Variants in ZNF569 observed in about 807,000 individuals in gnomAD.
ZNF569 encodes the protein DNA-binding protein.
ZNF569 carries 38 observed loss-of-function variants against 56.3 expected under a neutral mutation model. The observed-to-expected ratio is 0.68, with a 90% CI of 0.52 to 0.88. The LOEUF is 0.88. Ranked by LOEUF, ZNF569 falls within the 40% of genes least tolerant of loss-of-function variation. The probability of loss-of-function intolerance (pLI) is 0.00; values close to 1 mark genes in which losing one functional copy is unlikely to be tolerated. For missense variants in ZNF569, 666 were observed against 809.2 expected, an observed-to-expected ratio of 0.82 and a Z score of 2.15; for synonymous variants, 241 against 262.9, an observed-to-expected ratio of 0.92 and a Z score of 0.81.
chr19:37,443,755 C>T (rs935057019), intron 3 of ZNF569, among the ~76,000 whole-genome samples: 2 of 151,680 alleles, frequency 1.3e-5, no homozygotes, highest in Non-Finnish European at 2.9e-5. Flanking sequence ...ACCTATAATC[C>T]CAGCACTGTG....
chr19:37,415,375 T>A (rs1170172593), intron 5 of ZNF569, among the ~76,000 whole-genome samples: 1 of 152,116 alleles, frequency 6.6e-6, no homozygotes, highest in Non-Finnish European at 1.5e-5. Flanking sequence ...CTATTTTTCA[T>A]TTAAAAATCC....
At position 37,426,379 on chromosome 19, in the gene ZNF569, C is replaced by A. The variant is rs767112999; in HGVS notation, c.16-1G>T. 1 of 1,600,086 alleles carries A rather than the reference C, an allele frequency of 6.2e-7. No individual in the cohort carries two copies. The highest frequency in any genetic ancestry group is 1.1e-5 in the South Asian group (1 of 88,194). ...CCACATCTTTGAATGTTACTGTTCC[C>A]TGTAACAACACACTCCCACTCAATC... On this transcript the variant is annotated splice_acceptor_variant, in intron 3 of 5. Coordinates refer to ENST00000316950, the MANE Select transcript of ZNF569 (RefSeq NM_152484.3). LOFTEE classifies it high-confidence loss of function.
Position 37,450,696 on chromosome 19 carries a change from G to C in ZNF569, c.-43-5732C>G, listed in dbSNP as rs1312600859. 4.0e-5 allele frequency among the ~76,000 whole-genome samples: 6 copies of C among 151,820 alleles called. No homozygotes were observed. In the East Asian group the frequency reaches 1.2e-3, roughly 29 times the overall value. On this transcript the variant is annotated intron_variant, in intron 2 of 5. Transcript: ENST00000316950. ...GGCTTAGTTTGCTCTTCTGATTCTA[G>C]TTCCTTGAGATGTAAAGTTAGTTGT...
intron 5 of ZNF569, among the ~76,000 whole-genome samples, chr19:37,416,180 C>G (rs1288950469): frequency 1.3e-5 from 2 of 150,494 alleles, no homozygotes; most frequent in Non-Finnish European, 2.9e-5. Context: ...TTGCAGTGAG[C>G]AGAGATCACC....
chr19:37,430,940 C>A (rs998215567), intron 3 of ZNF569, among the ~76,000 whole-genome samples: 8 of 152,212 alleles, frequency 5.3e-5, no homozygotes, highest in Admixed American at 1.3e-4. Context: ...TGCCCTGTCA[C>A]AGCAGAAGGC....
intron 2 of ZNF569, among the ~76,000 whole-genome samples, chr19:37,450,518 G>T (rs2041574700): frequency 6.6e-6 from 1 of 152,006 alleles, no homozygotes; most frequent in Admixed American, 6.5e-5. Flanking sequence ...CAATTCTGAT[G>T]TTATTTATTT....
At chr19:37,456,560 G>A (rs1168536648) in intron 2 of ZNF569, among the ~76,000 whole-genome samples, 1 of 151,978 alleles carries the variant, frequency 6.6e-6, no homozygotes, top group East Asian at 1.9e-4. Context: ...CTTTAGACAG[G>A]GAGTTGAAGC....
intron 2 of ZNF569, among the ~76,000 whole-genome samples, chr19:37,456,821 A>G (rs1231169374): frequency 4.6e-5 from 7 of 152,076 alleles, no homozygotes; most frequent in Non-Finnish European, 1.0e-4. Context: ...ACAAAAAATT[A>G]GCTGGGCATG....
chr19:37,468,262 G>A (rs931641883), upstream of ZNF569, among the ~76,000 whole-genome samples: 10 of 151,886 alleles, frequency 6.6e-5, no homozygotes, highest in South Asian at 8.3e-4. Context: ...ATTTTTGTTT[G>A]TTTGTTAGTA....
intron 2 of ZNF569, among the ~76,000 whole-genome samples, chr19:37,460,548 AC>A (rs1293560023): frequency 4.6e-5 from 7 of 152,054 alleles, no homozygotes; most frequent in Admixed American, 3.3e-4. Flanking sequence ...AAAAAAAAAA[AC>A]AACTATATAT....
intron 5 of ZNF569, among the ~76,000 whole-genome samples, chr19:37,416,385 G>A (rs1405181443): frequency 6.6e-6 from 1 of 151,714 alleles, no homozygotes; most frequent in Non-Finnish European, 1.5e-5. Context: ...CACTACATAT[G>A]AATTGATATT....
In ZNF569 at chr19:37,426,052, T is replaced by C; in HGVS notation, c.143-89A>G. The C allele has an allele frequency of 2.8e-6, 4 of 1,450,062 alleles. No homozygotes were observed. The South Asian group carries it at 4.8e-5, about 18-fold the overall frequency. 89.8% of individuals were successfully genotyped at this position (1,450,062 alleles called of 1,614,324 possible). A position where few individuals can be genotyped will look rare whatever the true frequency, so the allele number is the denominator to read the frequency against. On this transcript the variant is annotated intron_variant, in intron 4 of 5. Transcript: ENST00000316950. Reference sequence around the variant, plus strand: ...TGAGGCTGGCCCAGGAAAACCAGGCTAAAGGACAAGAAAATGTGGCTTCGG... The same window carrying C: ...TGAGGCTGGCCCAGGAAAACCAGGCCAAAGGACAAGAAAATGTGGCTTCGG...
rs766165937 is a variant in ZNF569 at position 37,413,788 on chromosome 19, T to A, written c.870A>T (p.Lys290Asn). The change falls in exon 6 of 6, where the codon AAA (lysine) becomes AAT (asparagine). Residue 290 changes from lysine to asparagine, a missense_variant. Coordinates refer to ENST00000316950, the MANE Select transcript of ZNF569 (RefSeq NM_152484.3). Reference protein sequence around the residue: ...SQKSNLIDHEKIHTGEKPYEC... With the variant: ...SQKSNLIDHENIHTGEKPYEC... Reference sequence around the variant, plus strand: ...CATAAGGTTTCTCTCCAGTATGAATTTTTTCATGATCAATAAGATTTGATT... The same window carrying A: ...CATAAGGTTTCTCTCCAGTATGAATATTTTCATGATCAATAAGATTTGATT... 13 of 1,613,694 alleles carry A rather than the reference T, an allele frequency of 8.1e-6. No individual in the cohort carries two copies. The highest frequency in any genetic ancestry group is 1.7e-5 in the Admixed American group (1 of 60,022).
At position 37,455,395 on chromosome 19, in the gene ZNF569, G is replaced by T. The variant is rs185342428; in HGVS notation, c.-44+9918C>A. 1.0e-3 allele frequency among the ~76,000 whole-genome samples: 152 copies of T among 152,220 alleles called. 1 individual carries two copies. The highest frequency in any genetic ancestry group is 3.4e-3 in the Middle Eastern group (1 of 294). Reference sequence around the variant, plus strand: ...ATGTTATTTTTCTTTCCACTGCAAAGAACTTACTTCCAGCCATATCAATTT... The same window carrying T: ...ATGTTATTTTTCTTTCCACTGCAAATAACTTACTTCCAGCCATATCAATTT... On this transcript the variant is annotated intron_variant, in intron 2 of 5. Transcript: ENST00000316950.
rs540436641 is a variant in ZNF569, at chr19:37,434,201, G to A, written c.16-7823C>T. Among the ~76,000 whole-genome samples, 8 of 151,974 alleles carry A rather than the reference G, an allele frequency of 5.3e-5. No homozygotes were observed. In the South Asian group the frequency reaches 1.7e-3, roughly 32 times the overall value. ...TGTAGTCTCAGCTACTCAGGAGGCTGAGGCAGGAGAATCGCTTGAACCCGG... is the reference window on the plus strand; with the variant it reads ...TGTAGTCTCAGCTACTCAGGAGGCTAAGGCAGGAGAATCGCTTGAACCCGG... On this transcript the variant is annotated intron_variant, in intron 3 of 5. Transcript: ENST00000316950.
intron 5 of ZNF569, among the ~76,000 whole-genome samples, chr19:37,416,923 A>ACTC (rs896501489): frequency 6.6e-6 from 1 of 152,154 alleles, no homozygotes. Context: ...TGAAGTCCTA[A>ACTC]CTCCTAGTGC....
rs145499661 is a variant in ZNF569 at position 37,448,349 on chromosome 19, G to A, written c.-43-3385C>T. 1.8e-4 allele frequency among the ~76,000 whole-genome samples: 27 copies of A among 152,066 alleles called. No homozygotes were observed. The East Asian group carries it at 5.0e-3, about 28-fold the overall frequency. ...CTCATTCATCCAAGTTGTCAAATTC[G>A]CAGGTATGGAGTTGTTTGCAGTATT... On this transcript the variant is annotated intron_variant, in intron 2 of 5. Transcript: ENST00000316950.
In ZNF569 at chr19:37,444,941, G is replaced by A; in HGVS notation, c.-20C>T. On this transcript the variant is annotated 5_prime_UTR_variant, in exon 3 of 6. Transcript: ENST00000316950. The stretch of plus-strand genomic sequence containing the variant: ...AGTCATTTCCTCTTCTTTCTGGGAA[G>A]GGATGGGGCCTGCAGAAGTAGAGCT... 1 of 1,608,110 alleles carries A rather than the reference G, an allele frequency of 6.2e-7. No homozygotes were observed. The highest frequency in any genetic ancestry group is 8.5e-7 in the Non-Finnish European group (1 of 1,177,834).
chr19:37,441,470 C>A (rs2041404601), intron 3 of ZNF569, among the ~76,000 whole-genome samples: 1 of 152,030 alleles, frequency 6.6e-6, no homozygotes, highest in Non-Finnish European at 1.5e-5. Context: ...TCAGCCTGGG[C>A]AACATAGTGG....
Sources: allele counts gnomAD v4.1 joint callset (sites outside exome capture counted in the v4.1 genomes callset), GRCh38; gene constraint gnomAD v4.1.1; transcripts MANE v1.5; gene names NCBI Gene and HGNC (gene_info 2026-07-23, HGNC 2026-07-21).